CNTNAP1: variants seen among roughly 807,000 people sequenced by gnomAD.
The protein encoded by CNTNAP1 is contactin associated protein 1, also known as contactin-associated protein 1.
A neutral mutation model predicts 161.5 loss-of-function variants in CNTNAP1; 80 were observed. That is an observed-to-expected ratio of 0.50 (90% CI 0.41 to 0.60). CNTNAP1 has a LOEUF of 0.60. CNTNAP1 is among the 20% of genes least tolerant of loss of function. The probability of loss-of-function intolerance (pLI) is 0.00; values close to 1 mark genes in which losing one functional copy is unlikely to be tolerated. For synonymous variants in CNTNAP1, 695 were observed against 733.1 expected, an observed-to-expected ratio of 0.95 and a Z score of 0.84; for missense variants, 1,464 against 1,854.8, an observed-to-expected ratio of 0.79 and a Z score of 3.87.
intron 6 of CNTNAP1, among the ~76,000 whole-genome samples, chr17:42,686,451 C>T (rs1047487068): frequency 1.4e-5 from 2 of 142,400 alleles, no homozygotes; most frequent in African/African-American, 5.2e-5. Context: ...AAACTTGCCA[C>T]TCACCAGAAA....
At position 42,697,580 on chromosome 17, in the gene CNTNAP1, C is replaced by G. The variant is rs1470176517; in HGVS notation, c.3595C>G (p.Gln1199Glu). 3 of 1,613,962 alleles carry G rather than the reference C, an allele frequency of 1.9e-6. No homozygotes were observed. In the East Asian group the frequency reaches 6.7e-5, roughly 36 times the overall value. Residue 1199 changes from glutamine (Q) to glutamate (E), a missense_variant, in exon 22 of 24, where the codon CAG becomes GAG. Gln to Glu is a conservative substitution (Grantham distance 29). Coordinates refer to ENST00000264638, the MANE Select transcript of CNTNAP1 (RefSeq NM_003632.3). ...GACAGGAGTCATTGACCCGGAGATCCAGCGCTACAACACCCCAGGTTTCTC... is the reference window on the plus strand; with the variant it reads ...GACAGGAGTCATTGACCCGGAGATCGAGCGCTACAACACCCCAGGTTTCTC... ...METGVIDPEI[Q>E]RYNTPGFSGC...
chr17:42,682,922 G>C, intron 1 of CNTNAP1, 26 bp downstream of exon 1: 1 of 1,583,828 alleles, frequency 6.3e-7, no homozygotes, highest in South Asian at 1.2e-5. Context: ...GGAGGCAGGT[G>C]GGGTTGGGCC....
chr17:42,684,877 A>T (rs1021373955), intron 3 of CNTNAP1, 114 bp from the exon 4 acceptor site: 54 of 1,244,446 alleles, frequency 4.3e-5, no homozygotes, highest in African/African-American at 6.2e-5. Flanking sequence ...GTGAGCCGAG[A>T]TCGTACCACC....
In CNTNAP1 at chr17:42,691,399, A is replaced by G. The variant is rs1265859520; in HGVS notation, c.2232A>G (p.Gly744=). The G allele has an allele frequency of 6.2e-7, 1 of 1,613,854 alleles. No homozygotes were observed. Among genetic ancestry groups the G allele is most frequent in the African/African-American group, 1.3e-5 (1 of 74,934 alleles). The part of the protein sequence containing the change: ...ADQPQWRTDK[G]LLTFVDHLPV... ...GCCCCCACAGGAGAACTGACAAGGG[A>G]CTGCTGACCTTTGTGGACCATCTGC... Residue 744 remains glycine, a synonymous_variant, in exon 15 of 24, where the codon GGA becomes GGG. Transcript: ENST00000264638. This position sits in a 1 kb window ranked among gnomAD's most constrained non-coding sequence, Gnocchi z 4.3.
At position 42,692,853 on chromosome 17, in the gene CNTNAP1, T is replaced by C. The variant is rs1049973560; in HGVS notation, c.2752+133T>C. 10 of 746,122 alleles carry C rather than the reference T, an allele frequency of 1.3e-5. No homozygotes were observed. In the African/African-American group the frequency reaches 1.6e-4, roughly 12 times the overall value. The allele number at this position is 746,122 out of a possible 1,614,324, so 46.2% of individuals were successfully genotyped here. On this transcript the variant is annotated intron_variant, in intron 17 of 23. Coordinates refer to ENST00000264638, the MANE Select transcript of CNTNAP1 (RefSeq NM_003632.3). ...GCTTCAGAGCAAGCCAGTGTCTCAC[T>C]TGTCCCTCCAGGCCTTTGTATCCTA...
chr17:42,688,326 G>C, intron 8 of CNTNAP1, 136 bp from the exon 9 acceptor site: 1 of 1,157,250 alleles, frequency 8.6e-7, no homozygotes, highest in East Asian at 2.4e-5. Flanking sequence ...GGTCTCCACT[G>C]GGTGTGAGAA....
Position 42,696,053 on chromosome 17 carries a change from C to A in CNTNAP1, c.3375C>A (p.Gly1125=). The A allele has an allele frequency of 1.9e-6, 3 of 1,614,176 alleles. No individual in the cohort carries two copies. The highest frequency in any genetic ancestry group is 2.5e-6 in the Non-Finnish European group (3 of 1,180,016). ...CCCTTCAGCTGCGATATCAGCTGGGCACCAGTCCCTACGTGTACCAGCTAA... is the reference window on the plus strand; with the variant it reads ...CCCTTCAGCTGCGATATCAGCTGGGAACCAGTCCCTACGTGTACCAGCTAA... The part of the protein sequence containing the change: ...DGTLQLRYQL[G]TSPYVYQLTT... The change falls in exon 20 of 24, where the codon GGC becomes GGA. Residue 1125 remains glycine (G), a synonymous_variant. Transcript: ENST00000264638.
At position 42,687,161 on chromosome 17, in the gene CNTNAP1, C is replaced by A; in HGVS notation, c.1044+115C>A. The stretch of plus-strand genomic sequence containing the variant: ...TAAAAGCGGAGAATCCCTCTGTCCC[C>A]AGCCAGATGCTCAAGTTGGGAGGGG... On this transcript the variant is annotated intron_variant, in intron 7 of 23. Transcript: ENST00000264638. The surrounding 1 kb of genome is among the most constrained non-coding windows in gnomAD (Gnocchi z 4.7). The A allele has an allele frequency of 7.1e-7, 1 of 1,412,696 alleles. No individual in the cohort carries two copies. The allele number at this position is 1,412,696 out of a possible 1,614,324, so 87.5% of individuals were successfully genotyped here. A position where few individuals can be genotyped will look rare whatever the true frequency, so the allele number is the denominator to read the frequency against.
At chr17:42,697,463 A>C in intron 21 of CNTNAP1, 91 bp from the exon 22 acceptor site, 1 of 1,606,746 alleles carries the variant, frequency 6.2e-7, no homozygotes, top group Non-Finnish European at 8.5e-7. Flanking sequence ...GGCTGAGGGC[A>C]GTGGGAAGGA....
chr17:42,689,054 A>C lies in CNTNAP1; in HGVS notation c.1628+7A>C, dbSNP rs777446551. The C allele has an allele frequency of 1.9e-6, 3 of 1,557,418 alleles. No individual in the cohort carries two copies. Among genetic ancestry groups the C allele is most frequent in the Non-Finnish European group, 2.6e-6 (3 of 1,150,304 alleles). On this transcript the variant is annotated splice_region_variant and intron_variant, in intron 10 of 23. Coordinates refer to ENST00000264638, the MANE Select transcript of CNTNAP1 (RefSeq NM_003632.3). ...CATGTGGCATCACTGATAGGTACCCAGAAGCCCCTAACAAGAGATGACCCC... is the reference window on the plus strand; with the variant it reads ...CATGTGGCATCACTGATAGGTACCCCGAAGCCCCTAACAAGAGATGACCCC...
chr17:42,684,957 A>G lies in CNTNAP1; in HGVS notation c.364-34A>G, dbSNP rs9889373. 0.62 allele frequency: 996,023 copies of G among 1,598,688 alleles called. 315,341 individuals carry two copies. The highest frequency in any genetic ancestry group is 0.89 in the African/African-American group (65,858 of 73,938). ...AAAATAAAAAAAAGAAGCAGAGGGC[A>G]GGACGTGGTTACTACTCTCCTCCAC... On this transcript the variant is annotated intron_variant, in intron 3 of 23. Coordinates refer to ENST00000264638, the MANE Select transcript of CNTNAP1 (RefSeq NM_003632.3).
In CNTNAP1 at chr17:42,685,810, TCA is replaced by T; in HGVS notation, c.716-141_716-140del. On this transcript the variant is annotated intron_variant, in intron 5 of 23. Coordinates refer to ENST00000264638, the MANE Select transcript of CNTNAP1 (RefSeq NM_003632.3). This position sits in a 1 kb window ranked among gnomAD's most constrained non-coding sequence, Gnocchi z 5.0. ...AAGCCAGGCTAAATGGCTTACCCTG[TCA>T]CACACTCGCCAATGGCTGTTGATCT... 1 of 805,348 alleles carries T rather than the reference TCA, an allele frequency of 1.2e-6. No homozygotes were observed. Among genetic ancestry groups the T allele is most frequent in the Non-Finnish European group, 1.9e-6 (1 of 516,938 alleles). The allele number at this position is 805,348 out of a possible 1,614,324, so 49.9% of individuals were successfully genotyped here. A position where few individuals can be genotyped will look rare whatever the true frequency, so the allele number is the denominator to read the frequency against.
intron 3 of CNTNAP1, 101 bp from the exon 4 acceptor site, chr17:42,684,890 A>T: frequency 1.5e-6 from 2 of 1,372,782 alleles, no homozygotes; most frequent in Non-Finnish European, 2.0e-6. Context: ...GTACCACCGC[A>T]CTCCAGCCTG....
In CNTNAP1 at chr17:42,691,957, G is replaced by A; in HGVS notation, c.2496G>A (p.Gln832=). ...AGAATATGGGGGGCCCTTACTGCCA[G>A]TGGCGCCGACCTTATGTGCGGGTGG... ...FLENMGGPYC[Q]WRRPYVRVEL... The change falls in exon 16 of 24, where the codon CAG becomes CAA. Residue 832 remains glutamine, a synonymous_variant. Coordinates refer to ENST00000264638, the MANE Select transcript of CNTNAP1 (RefSeq NM_003632.3). This position sits in a 1 kb window ranked among gnomAD's most constrained non-coding sequence, Gnocchi z 4.3. The A allele has an allele frequency of 6.2e-7, 1 of 1,614,116 alleles. No individual in the cohort carries two copies. Among genetic ancestry groups the A allele is most frequent in the Non-Finnish European group, 8.5e-7 (1 of 1,180,004 alleles).
intron 17 of CNTNAP1, 66 bp downstream of exon 17, chr17:42,692,786 C>T (rs2053106114): frequency 1.0e-5 from 15 of 1,458,746 alleles, no homozygotes; most frequent in Non-Finnish European, 1.4e-5. Context: ...GGCCACTCGC[C>T]TTGTTTCCAG....
At chr17:42,686,477 T>TTTTGG (rs759434003) in intron 6 of CNTNAP1, among the ~76,000 whole-genome samples, 13 of 87,976 alleles carry the variant, frequency 1.5e-4, no homozygotes, top group Non-Finnish European at 2.9e-4. Flanking sequence ...CTGTTTTTTT[T>TTTTGG]TTTTTTTTTT....
At chr17:42,698,095 TGAA>T (rs773794613) in intron 23 of CNTNAP1, 145 bp downstream of exon 23, 13 of 925,710 alleles carry the variant, frequency 1.4e-5, no homozygotes, top group Non-Finnish European at 2.1e-5. Context: ...CAGGCTATGC[TGAA>T]GGTGCCATAT....
At position 42,699,698 on chromosome 17, in the gene CNTNAP1, A is replaced by C. The variant is rs1017403083; in HGVS notation, c.*788A>C. On this transcript the variant is annotated 3_prime_UTR_variant, in exon 24 of 24. Transcript: ENST00000264638. ...CTCAGAGATGCTGCTTCATTTACCCAGGAGGTCATATTCTTTATATATATT... is the reference window on the plus strand; with the variant it reads ...CTCAGAGATGCTGCTTCATTTACCCCGGAGGTCATATTCTTTATATATATT... The C allele has an allele frequency of 1.3e-5, 2 of 152,816 alleles. No individual in the cohort carries two copies. The highest frequency in any genetic ancestry group is 4.8e-5 in the African/African-American group (2 of 41,462). 9.5% of individuals were successfully genotyped at this position (152,816 alleles called of 1,614,324 possible).
chr17:42,684,290 G>C, intron 3 of CNTNAP1, 61 bp downstream of exon 3: 1 of 1,513,634 alleles, frequency 6.6e-7, no homozygotes, highest in Middle Eastern at 1.8e-4. Context: ...GCTCTGGGCC[G>C]GGCACCAGCC....
Sources: gnomAD v4.1 joint callset for allele counts (sites outside exome capture counted in the v4.1 genomes callset) on GRCh38, gnomAD v4.1.1 for gene constraint, Gnocchi (gnomAD v3.1) non-coding constraint, MANE v1.5 for transcripts, NCBI Gene and HGNC (gene_info 2026-07-23, HGNC 2026-07-21) for gene names.